The following SEMA6B variants were observed in gnomAD, a reference collection of about 807,000 sequenced individuals.
SEMA6B encodes semaphorin 6B, also known as semaphorin-6B.
A neutral mutation model predicts 78.6 loss-of-function variants in SEMA6B; 47 were observed. The ratio of observed to expected loss-of-function variants is 0.60; its 90% CI spans 0.47 to 0.76. The LOEUF is 0.76. Ranked by LOEUF, SEMA6B falls within the 30% of genes least tolerant of loss-of-function variation. The probability of loss-of-function intolerance (pLI) is 0.00; values close to 1 mark genes in which losing one functional copy is unlikely to be tolerated. For missense variants in SEMA6B, 1,213 were observed against 1,269.9 expected (o/e 0.96, Z 0.68); for synonymous variants, 632 against 592.2 (o/e 1.07, Z -0.98).
chr19:4,556,560 C>A (rs1246353860), intron 5 of SEMA6B, among the ~76,000 whole-genome samples: 5 of 98,108 alleles, frequency 5.1e-5, no homozygotes, highest in African/African-American at 2.0e-4. Context: ...GGGGAGGGGT[C>A]GGGATGGGGA....
At position 4,550,175 on chromosome 19, in the gene SEMA6B, C is replaced by A; in HGVS notation, c.1219G>T (p.Glu407Ter). 6.2e-7 allele frequency: 1 copy of A among 1,613,832 alleles called. No individual in the cohort carries two copies. The highest frequency in any genetic ancestry group is 8.5e-7 in the Non-Finnish European group (1 of 1,179,990). The change falls in exon 12 of 17, where the codon GAG (glutamate) becomes TAG (stop). Residue 407 changes from glutamate (E) to a stop codon, truncating the protein, a stop_gained. Transcript: ENST00000586582. LOFTEE classifies it high-confidence loss of function. This position sits in a 1 kb window ranked among gnomAD's most constrained non-coding sequence, Gnocchi z 6.6. ...NFVKTHPLMD[E>*]AVPSLGHAPW... is the part of the protein sequence containing the mutation. ...GCATGGCCCAGCGAGGGCACCGCCT[C>A]GTCCATCAGAGGGTGGGTCTTGACA... is the stretch of plus-strand genomic sequence containing the variant.
intron 15 of SEMA6B, 48 bp downstream of exon 15, chr19:4,546,344 A>G (rs1977165659): frequency 1.3e-6 from 2 of 1,594,174 alleles, no homozygotes; most frequent in Non-Finnish European, 1.7e-6. Context: ...ATCTGGGATC[A>G]TGGGCGGGTC....
intron 5 of SEMA6B, 24 bp from the exon 6 acceptor site, chr19:4,556,113 G>A (rs754627796): frequency 1.9e-6 from 3 of 1,564,448 alleles, no homozygotes; most frequent in South Asian, 1.1e-5. Flanking sequence ...AGGAGGAAGC[G>A]GGGAGCGCGA....
In SEMA6B at chr19:4,555,150, G is replaced by T; in HGVS notation, c.563-55C>A. ...AGAGATGAGACCGCAGAGGCCAGGG[G>T]CTGGGTGGGTCGAAACTCGATTTTC... On this transcript the variant is annotated intron_variant, in intron 7 of 16. Transcript: ENST00000586582. The surrounding 1 kb of genome is among the most constrained non-coding windows in gnomAD (Gnocchi z 6.1). 1.3e-6 allele frequency: 2 copies of T among 1,598,946 alleles called. No individual in the cohort carries two copies. Among genetic ancestry groups the T allele is most frequent in the Non-Finnish European group, 1.7e-6 (2 of 1,170,638 alleles).
In SEMA6B at chr19:4,558,413, A is replaced by C. The variant is rs1391485783; in HGVS notation, c.45T>G (p.Leu15=). The change falls in exon 2 of 17, where the codon CTT becomes CTG. Residue 15 remains leucine (L), a synonymous_variant. Transcript: ENST00000586582. The surrounding 1 kb of genome is among the most constrained non-coding windows in gnomAD (Gnocchi z 5.1). ...GGGCGCCCCCCAGTAGCAGCAGCAG[A>C]AGCAGCAGGGCCGGGCGGGGAGGGG... ...RASPPRPALL[L]LLLLLGGAHG... 7.9e-7 allele frequency: 1 copy of C among 1,268,570 alleles called. No individual in the cohort carries two copies. Among genetic ancestry groups the C allele is most frequent in the African/African-American group, 1.5e-5 (1 of 65,056 alleles). The allele number at this position is 1,268,570 out of a possible 1,614,324, so 78.6% of individuals were successfully genotyped here.
At chr19:4,547,534 C>T (rs1255863272) in intron 14 of SEMA6B, among the ~76,000 whole-genome samples, 1 of 152,188 alleles carries the variant, frequency 6.6e-6, no homozygotes, top group Non-Finnish European at 1.5e-5. Flanking sequence ...TGTGCCAGCA[C>T]TGGCATGCAT....
Position 4,543,649 on chromosome 19 carries a change from G to A in SEMA6B, c.2619C>T (p.His873=). 1 of 1,232,160 alleles carries A rather than the reference G, an allele frequency of 8.1e-7. No individual in the cohort carries two copies. The highest frequency in any genetic ancestry group is 1.0e-6 in the Non-Finnish European group (1 of 987,994). 76.3% of individuals were successfully genotyped at this position (1,232,160 alleles called of 1,614,324 possible). ...TGTCCGCCCCCCCATAGGGGAGGAGGTGGGCCAAGTCTGTGCCCGGCCGGG... is the reference window on the plus strand; with the variant it reads ...TGTCCGCCCCCCCATAGGGGAGGAGATGGGCCAAGTCTGTGCCCGGCCGGG... The part of the protein sequence containing the change: ...CHARPGTDLA[H]LLPYGGADRT... The change falls in exon 17 of 17, where the codon CAC becomes CAT. Residue 873 remains histidine, a synonymous_variant. Coordinates refer to ENST00000586582, the MANE Select transcript of SEMA6B (RefSeq NM_032108.4).
rs1049471582 is a variant in SEMA6B, at chr19:4,548,845, G to GT, written c.1272-401dup. 2.0e-5 allele frequency among the ~76,000 whole-genome samples: 3 copies of GT among 151,812 alleles called. No homozygotes were observed. In the South Asian group the frequency reaches 6.3e-4, roughly 32 times the overall value. ...ATCACGCCTGGCAAGTTTATGTTTTGTTTTTTTTGAGACAGAGTCTCACTC... is the reference window on the plus strand; with the variant it reads ...ATCACGCCTGGCAAGTTTATGTTTTGTTTTTTTTTGAGACAGAGTCTCACTC... On this transcript the variant is annotated intron_variant, in intron 12 of 16. Coordinates refer to ENST00000586582, the MANE Select transcript of SEMA6B (RefSeq NM_032108.4).
Position 4,558,106 on chromosome 19 carries a change from G to A in SEMA6B, c.165C>T (p.Arg55=). 6.5e-7 allele frequency: 1 copy of A among 1,535,958 alleles called. No homozygotes were observed. ...YPVFVGSGPG[R]LTPAEGADDL... Reference sequence around the variant, plus strand: ...CGTCAGCACCTTCTGCGGGGGTCAGGCGTCCGGGCCCGCTGCCCACAAACA... The same window carrying A: ...CGTCAGCACCTTCTGCGGGGGTCAGACGTCCGGGCCCGCTGCCCACAAACA... The change falls in exon 3 of 17, where the codon CGC becomes CGT. Residue 55 remains arginine, a synonymous_variant. Coordinates refer to ENST00000586582, the MANE Select transcript of SEMA6B (RefSeq NM_032108.4). This position sits in a 1 kb window ranked among gnomAD's most constrained non-coding sequence, Gnocchi z 5.1.
In SEMA6B at chr19:4,556,998, A is replaced by C. The variant is rs1387797546; in HGVS notation, c.322T>G (p.Ser108Ala). ...LRYQRKLTWR[S>A]NPSDINVCRM... ...CACACGTTTATGTCGCTGGGGTTAG[A>C]TCTCCAGGTCAGCTTCTGCAGACAG... Residue 108 changes from serine (S) to alanine (A), a missense_variant, in exon 5 of 17, where the codon TCT (serine) becomes GCT (alanine). By Grantham distance (99) the Ser-to-Ala change is moderately conservative (BLOSUM62 1). Coordinates refer to ENST00000586582, the MANE Select transcript of SEMA6B (RefSeq NM_032108.4). 6 of 1,613,158 alleles carry C rather than the reference A, an allele frequency of 3.7e-6. No homozygotes were observed. Among genetic ancestry groups the C allele is most frequent in the South Asian group, 3.3e-5 (3 of 90,990 alleles).
intron 14 of SEMA6B, 77 bp from the exon 15 acceptor site, chr19:4,546,546 G>T: frequency 2.2e-6 from 2 of 901,872 alleles, no homozygotes; most frequent in Non-Finnish European, 3.1e-6. Context: ...TGACCTGTGG[G>T]CCCTGTTCCA....
At chr19:4,546,529 GTGATGGTGAC>G in intron 14 of SEMA6B, 60 bp from the exon 15 acceptor site, 1 of 1,238,858 alleles carries the variant, frequency 8.1e-7, no homozygotes, top group Non-Finnish European at 1.1e-6. Context: ...AACCCCAATG[GTGATGGTGAC>G]CTGTGGGCCC....
chr19:4,548,722 C>T (rs202130283), intron 12 of SEMA6B, among the ~76,000 whole-genome samples: 2 of 152,202 alleles, frequency 1.3e-5, no homozygotes, highest in Admixed American at 6.5e-5. Flanking sequence ...GGCTGGAGTG[C>T]AGTGGCGCAA....
chr19:4,553,239 T>C (rs371744446), intron 9 of SEMA6B, among the ~76,000 whole-genome samples: 2 of 151,970 alleles, frequency 1.3e-5, no homozygotes, highest in South Asian at 2.1e-4. Context: ...AACAGATGGA[T>C]AGAGAGAAAG....
Position 4,544,396 on chromosome 19 carries a change from G to A in SEMA6B, c.1872C>T (p.Leu624=). The A allele has an allele frequency of 2.5e-6, 4 of 1,600,502 alleles. No homozygotes were observed. Among genetic ancestry groups the A allele is most frequent in the Non-Finnish European group, 8.5e-7 (1 of 1,174,952 alleles). ...GCCGGGCCAGCTCCCGCCGCTCACG[G>A]AGGCCCACGAACCAGCCCACGCTGA... ...SGFSVGWFVG[L]RERRELARRK... The change falls in exon 17 of 17, where the codon CTC becomes CTT. Residue 624 remains leucine (L), a synonymous_variant. Transcript: ENST00000586582. This position sits in a 1 kb window ranked among gnomAD's most constrained non-coding sequence, Gnocchi z 5.1.
At chr19:4,557,463 T>G (rs1263199916) in intron 3 of SEMA6B, among the ~76,000 whole-genome samples, 1 of 152,150 alleles carries the variant, frequency 6.6e-6, no homozygotes, top group Non-Finnish European at 1.5e-5. Flanking sequence ...TCCCATGGCC[T>G]TAGGTCAGGT....
Position 4,544,636 on chromosome 19 carries a change from T to C in SEMA6B, c.1739-107A>G. ...CTCTTTTTTATTATTTTTATTTTTTTTTATTTATTTATTTTTTGAGAAGGA... is the reference window on the plus strand; with the variant it reads ...CTCTTTTTTATTATTTTTATTTTTTCTTATTTATTTATTTTTTGAGAAGGA... On this transcript the variant is annotated intron_variant, in intron 16 of 16. Transcript: ENST00000586582. This position sits in a 1 kb window ranked among gnomAD's most constrained non-coding sequence, Gnocchi z 5.1. 1 of 589,512 alleles carries C rather than the reference T, an allele frequency of 1.7e-6. No individual in the cohort carries two copies. The highest frequency in any genetic ancestry group is 2.5e-6 in the Non-Finnish European group (1 of 398,478). The allele number at this position is 589,512 out of a possible 1,614,324, so 36.5% of individuals were successfully genotyped here.
chr19:4,548,505 G>C, intron 12 of SEMA6B, 60 bp from the exon 13 acceptor site: 1 of 1,482,556 alleles, frequency 6.7e-7, no homozygotes, highest in African/African-American at 1.4e-5. Flanking sequence ...CCACCAACAC[G>C]GGCATGGCCA....
rs1397381236 is a variant in SEMA6B, at chr19:4,542,840, G to A, written c.*761C>T. ...GACAGCTGCTGCCGATGTGACTTCC[G>A]GGCAGGCCCTCCTCGTGTCTCCTGC... On this transcript the variant is annotated 3_prime_UTR_variant, in exon 17 of 17. Transcript: ENST00000586582. 5.7e-6 allele frequency: 4 copies of A among 700,082 alleles called. No homozygotes were observed. Among genetic ancestry groups the A allele is most frequent in the Non-Finnish European group, 1.0e-5 (4 of 383,834 alleles). 43.4% of individuals were successfully genotyped at this position (700,082 alleles called of 1,614,324 possible). A position where few individuals can be genotyped will look rare whatever the true frequency, so the allele number is the denominator to read the frequency against.
Sources: allele counts gnomAD v4.1 joint callset (sites outside exome capture counted in the v4.1 genomes callset), GRCh38; gene constraint gnomAD v4.1.1; non-coding constraint Gnocchi (gnomAD v3.1); transcripts MANE v1.5; gene names NCBI Gene and HGNC (gene_info 2026-07-23, HGNC 2026-07-21).